Variants in HIVEP3 observed in about 807,000 individuals in gnomAD.
The protein encoded by HIVEP3 is transcription factor HIVEP3.
Under a neutral mutation model 152.8 loss-of-function variants are expected in HIVEP3, and 49 were observed. The observed-to-expected ratio is 0.32, with a 90% CI of 0.26 to 0.41. The LOEUF (loss-of-function observed/expected upper bound fraction) is 0.41. Among genes scored for constraint, HIVEP3 ranks in the 10% least tolerant of loss-of-function variants. HIVEP3 has a pLI of 1.00. For synonymous variants in HIVEP3, 1,269 were observed against 1,289.0 expected, an observed-to-expected ratio of 0.98 and a Z score of 0.33; for missense variants, 2,790 against 3,103.3, an observed-to-expected ratio of 0.90 and a Z score of 2.40.
At chr1:41,966,505 G>C (rs1417208270) in intron 1 of HIVEP3, among the ~76,000 whole-genome samples, 1 of 44,972 alleles carries the variant, frequency 2.2e-5, no homozygotes, top group South Asian at 9.9e-4. Flanking sequence ...ATGGAGTCTC[G>C]CTCTTTCACC....
At chr1:41,743,797 T>A (rs1304187330) in intron 1 of HIVEP3, among the ~76,000 whole-genome samples, 2 of 152,190 alleles carry the variant, frequency 1.3e-5, no homozygotes, top group Non-Finnish European at 2.9e-5. Context: ...TTGTGAGTGG[T>A]TGCATTGAAT....
At chr1:41,911,824 G>A (rs1308246885) in intron 1 of HIVEP3, among the ~76,000 whole-genome samples, 1 of 152,174 alleles carries the variant, frequency 6.6e-6, no homozygotes, top group Non-Finnish European at 1.5e-5. Context: ...CCTAGTGCCA[G>A]AGCTGGTACC....
At chr1:41,665,739 C>CACACACACACACACACACAG (rs1645786697) in intron 2 of HIVEP3, among the ~76,000 whole-genome samples, 3 of 151,626 alleles carry the variant, frequency 2.0e-5, no homozygotes, top group Non-Finnish European at 2.9e-5. Flanking sequence ...CACACACACA[C>CACACACACACACACACACAG]AGTCTGGATC....
intron 1 of HIVEP3, among the ~76,000 whole-genome samples, chr1:42,031,756 A>G (rs1371324294): frequency 6.6e-6 from 1 of 152,176 alleles, no homozygotes; most frequent in Non-Finnish European, 1.5e-5. Context: ...CACATACACA[A>G]TATCTTCCAA....
chr1:41,871,108 C>T (rs1050414994), intron 1 of HIVEP3, among the ~76,000 whole-genome samples: 1 of 152,192 alleles, frequency 6.6e-6, no homozygotes, highest in Non-Finnish European at 1.5e-5. Flanking sequence ...TCACTAAATT[C>T]ACAAACCACT....
At chr1:41,875,209 C>T (rs1253943951) in intron 1 of HIVEP3, among the ~76,000 whole-genome samples, 5 of 152,232 alleles carry the variant, frequency 3.3e-5, no homozygotes, top group Non-Finnish European at 5.9e-5. Flanking sequence ...CTTTAAGGCT[C>T]TACTGCTCTC....
At chr1:41,895,472 G>A (rs1321025753) in intron 1 of HIVEP3, among the ~76,000 whole-genome samples, 1 of 152,190 alleles carries the variant, frequency 6.6e-6, no homozygotes, top group Admixed American at 6.5e-5. Context: ...AGGTGCTTAG[G>A]TTAACCAAAA....
At chr1:41,863,175 G>A (rs1643909727) in intron 1 of HIVEP3, among the ~76,000 whole-genome samples, 1 of 152,222 alleles carries the variant, frequency 6.6e-6, no homozygotes, top group Non-Finnish European at 1.5e-5. Flanking sequence ...ACCAGCAACT[G>A]CCTCCTGGGA....
chr1:42,006,928 G>C (rs1645463186), intron 1 of HIVEP3, among the ~76,000 whole-genome samples: 1 of 152,214 alleles, frequency 6.6e-6, no homozygotes, highest in South Asian at 2.1e-4. Context: ...GACTGAGAGA[G>C]AGGAAGTTCT....
intron 1 of HIVEP3, among the ~76,000 whole-genome samples, chr1:41,967,306 C>T (rs947804211): frequency 2.0e-5 from 3 of 152,134 alleles, no homozygotes; most frequent in Admixed American, 6.5e-5. Flanking sequence ...GGAAGTAAAA[C>T]ACTCCTCAGC....
chr1:41,562,643 C>T (rs5020937), intron 5 of HIVEP3, among the ~76,000 whole-genome samples: 68,007 of 117,680 alleles, frequency 0.58, 21,602 homozygotes, highest in Non-Finnish European at 0.68. Context: ...CCCTCTCTCT[C>T]TCTTTCTTTC....
chr1:41,670,252 G>C (rs897418130), intron 2 of HIVEP3, among the ~76,000 whole-genome samples: 1 of 152,152 alleles, frequency 6.6e-6, no homozygotes, highest in African/African-American at 2.4e-5. Flanking sequence ...TGAGGGGCAG[G>C]GCAGGGACCA....
At chr1:41,968,069 C>G (rs1301612007) in intron 1 of HIVEP3, among the ~76,000 whole-genome samples, 54 of 151,716 alleles carry the variant, frequency 3.6e-4, no homozygotes, top group Admixed American at 3.5e-3. Flanking sequence ...GCCTACCAAC[C>G]AAAAAAAGCC....
In HIVEP3 at chr1:41,918,311, C is replaced by G. The variant is rs1472811634; in HGVS notation, c.-801+102G>C. 1.3e-5 allele frequency: 2 copies of G among 152,560 alleles called. No homozygotes were observed. Among genetic ancestry groups the G allele is most frequent in the Non-Finnish European group, 2.9e-5 (2 of 68,230 alleles). The allele number at this position is 152,560 out of a possible 1,614,324, so 9.5% of individuals were successfully genotyped here. A position where few individuals can be genotyped will look rare whatever the true frequency, so the allele number is the denominator to read the frequency against. On this transcript the variant is annotated intron_variant, in intron 1 of 8. Transcript: ENST00000372583. This position sits in a 1 kb window ranked among gnomAD's most constrained non-coding sequence, Gnocchi z 4.3. The stretch of plus-strand genomic sequence containing the variant: ...GCATACACAAAATGGAATCGCAGCT[C>G]GCTATTCTGCTTCGCGGTGCGGCCT...
intron 5 of HIVEP3, among the ~76,000 whole-genome samples, chr1:41,538,082 C>A (rs1157202704): frequency 6.6e-6 from 1 of 152,190 alleles, no homozygotes; most frequent in Non-Finnish European, 1.5e-5. Context: ...AGACAATGAG[C>A]AAAGTGCTAC....
intron 1 of HIVEP3, among the ~76,000 whole-genome samples, chr1:41,968,909 C>G (rs1002146353): frequency 6.6e-6 from 1 of 152,100 alleles, no homozygotes; most frequent in African/African-American, 2.4e-5. Context: ...TTTCTATACA[C>G]AAACAGCAGA....
At chr1:41,990,285 A>G (rs2124516058) in intron 1 of HIVEP3, among the ~76,000 whole-genome samples, 1 of 148,632 alleles carries the variant, frequency 6.7e-6, no homozygotes. Flanking sequence ...TTCTGCTGAG[A>G]GATCTGCTGT....
At chr1:41,983,131 C>T (rs1388170530) in intron 1 of HIVEP3, among the ~76,000 whole-genome samples, 7 of 152,204 alleles carry the variant, frequency 4.6e-5, no homozygotes. Flanking sequence ...AGGCGGAGCT[C>T]AGGAGGTAAT....
At chr1:41,833,340 C>T (rs894093163) in intron 1 of HIVEP3, among the ~76,000 whole-genome samples, 9 of 152,160 alleles carry the variant, frequency 5.9e-5, no homozygotes, top group Non-Finnish European at 2.9e-5. Context: ...CAGCTTCCCA[C>T]ACAATGCAAA....
Sources: gnomAD v4.1 joint callset for allele counts (sites outside exome capture counted in the v4.1 genomes callset) on GRCh38, gnomAD v4.1.1 for gene constraint, Gnocchi (gnomAD v3.1) non-coding constraint, MANE v1.5 for transcripts, NCBI Gene and HGNC (gene_info 2026-07-23, HGNC 2026-07-21) for gene names.